TTC27: variants seen among roughly 807,000 people sequenced by gnomAD.
The protein encoded by TTC27 is tetratricopeptide repeat protein 27.
Under a neutral mutation model 115.9 loss-of-function variants are expected in TTC27, and 79 were observed. The ratio of observed to expected loss-of-function variants is 0.68; its 90% CI spans 0.57 to 0.82. The LOEUF is 0.82. Ranked by LOEUF, TTC27 falls within the 40% of genes least tolerant of loss-of-function variation. TTC27 has a pLI of 0.00. For missense variants in TTC27, 1,054 were observed against 993.1 expected, an observed-to-expected ratio of 1.06 and a Z score of -0.82; for synonymous variants, 401 against 356.0, an observed-to-expected ratio of 1.13 and a Z score of -1.42.
Position 32,640,279 on chromosome 2 carries a change from C to G in TTC27, c.406C>G (p.Leu136Val). 3 of 1,613,342 alleles carry G rather than the reference C, an allele frequency of 1.9e-6. No homozygotes were observed. Among genetic ancestry groups the G allele is most frequent in the Non-Finnish European group, 1.7e-6 (2 of 1,179,820 alleles). Reference sequence around the variant, plus strand: ...ATAATCCTTTTTTCAGGTTAAAGGACTGGATGCATTTGTTCTGAGCCTGCT... The same window carrying G: ...ATAATCCTTTTTTCAGGTTAAAGGAGTGGATGCATTTGTTCTGAGCCTGCT... Reference protein sequence around the residue: ...LFQQFSEVKGLDAFVLSLLTL... With the variant: ...LFQQFSEVKGVDAFVLSLLTL... The change falls in exon 4 of 20, where the codon CTG (leucine) becomes GTG (valine). Residue 136 changes from leucine (L) to valine (V), a missense_variant. Physicochemically the swap from Leu to Val is conservative, Grantham distance 32 (BLOSUM62 1). Coordinates refer to ENST00000317907, the MANE Select transcript of TTC27 (RefSeq NM_017735.5).
At chr2:32,775,835 T>C (rs1207080599) in intron 13 of TTC27, among the ~76,000 whole-genome samples, 1 of 152,222 alleles carries the variant, frequency 6.6e-6, no homozygotes, top group Admixed American at 6.5e-5. Context: ...TGATGAAATA[T>C]AATACACAGA....
At position 32,727,499 on chromosome 2, in the gene TTC27, T is replaced by A. The variant is rs1472750168; in HGVS notation, c.1234-6329T>A. On this transcript the variant is annotated intron_variant, in intron 10 of 19. Transcript: ENST00000317907. ...TTTAAGAAACCAGCATCTGTTGAAT[T>A]TTGGTGTAGTATCAAATAATAATAT... Among the ~76,000 whole-genome samples, 3 of 152,342 alleles carry A rather than the reference T, an allele frequency of 2.0e-5. No individual in the cohort carries two copies. The East Asian group carries it at 5.8e-4, about 29-fold the overall frequency.
Position 32,758,490 on chromosome 2 carries a change from G to T in TTC27, c.1651G>T (p.Glu551Ter). ...GTTTCAAGAGTGTGTAGAGTGCTTC[G>T]AACGCTCGGTTAAGATTAATCCCAT... ...KEFQECVECF[E>*]RSVKINPMQL... The change falls in exon 13 of 20, where the codon GAA (glutamate) becomes TAA (stop). Residue 551 changes from glutamate (E) to a stop codon, truncating the protein, a stop_gained. Transcript: ENST00000317907. LOFTEE classifies it high-confidence loss of function. The T allele has an allele frequency of 6.2e-7, 1 of 1,614,104 alleles. No individual in the cohort carries two copies. The highest frequency in any genetic ancestry group is 2.2e-5 in the East Asian group (1 of 44,866).
chr2:32,730,621 A>AGT (rs1668260471), intron 10 of TTC27, among the ~76,000 whole-genome samples: 1 of 137,832 alleles, frequency 7.3e-6, no homozygotes. Context: ...AGACTTTCTT[A>AGT]TTTTTTTTTT....
chr2:32,790,514 T>G (rs1670501183), intron 16 of TTC27, among the ~76,000 whole-genome samples: 1 of 152,240 alleles, frequency 6.6e-6, no homozygotes, highest in Non-Finnish European at 1.5e-5. Context: ...GTATACAATG[T>G]GGAATGATTA....
At chr2:32,816,059 T>C (rs1165284045) in intron 18 of TTC27, among the ~76,000 whole-genome samples, 2 of 152,152 alleles carry the variant, frequency 1.3e-5, no homozygotes, top group African/African-American at 2.4e-5. Context: ...GTCTCATGCC[T>C]GTAATTGGGA....
chr2:32,685,087 AT>A (rs1380844462), intron 9 of TTC27, among the ~76,000 whole-genome samples: 3 of 144,696 alleles, frequency 2.1e-5, no homozygotes, highest in Non-Finnish European at 3.0e-5. Context: ...GTGGAGTGCA[AT>A]GGCGCAATCT....
At position 32,813,186 on chromosome 2, in the gene TTC27, G is replaced by A. The variant is rs1671375811; in HGVS notation, c.2308+571G>A. Among the ~76,000 whole-genome samples, 3 of 151,988 alleles carry A rather than the reference G, an allele frequency of 2.0e-5. No homozygotes were observed. In the South Asian group the frequency reaches 6.2e-4, roughly 32 times the overall value. ...TTTTTAAAAATGCCAGTTAAATTTGGTAATGCATTTTTATATTTATATTTG... is the reference window on the plus strand; with the variant it reads ...TTTTTAAAAATGCCAGTTAAATTTGATAATGCATTTTTATATTTATATTTG... On this transcript the variant is annotated intron_variant, in intron 18 of 19. Coordinates refer to ENST00000317907, the MANE Select transcript of TTC27 (RefSeq NM_017735.5).
chr2:32,628,440 C>G, intron 1 of TTC27, 60 bp downstream of exon 1: 1 of 1,418,564 alleles, frequency 7.0e-7, no homozygotes, highest in Non-Finnish European at 9.4e-7. Context: ...AAAGGGATGG[C>G]AGCGACTGAT....
intron 9 of TTC27, among the ~76,000 whole-genome samples, chr2:32,680,977 G>A (rs1362334788): frequency 6.6e-6 from 1 of 151,998 alleles, no homozygotes; most frequent in Non-Finnish European, 1.5e-5. Flanking sequence ...AACTTCTGAT[G>A]GTGGGTAACT....
chr2:32,672,289 T>C lies in TTC27; in HGVS notation c.957T>C (p.Asp319=). 1 of 1,613,610 alleles carries C rather than the reference T, an allele frequency of 6.2e-7. No individual in the cohort carries two copies. The highest frequency in any genetic ancestry group is 8.5e-7 in the Non-Finnish European group (1 of 1,179,636). ...TCTACTAGAATCTTGAGCTCAATGA[T>C]GACACCATTCTGAATGACATAAAGT... is the stretch of plus-strand genomic sequence containing the variant. The part of the protein sequence containing the change: ...EHLTKNLELN[D]DTILNDIKLA... The change falls in exon 8 of 20, where the codon GAT becomes GAC. Residue 319 remains aspartate (D), a synonymous_variant. Transcript: ENST00000317907.
intron 9 of TTC27, among the ~76,000 whole-genome samples, chr2:32,686,229 A>G (rs1358093433): frequency 6.6e-6 from 1 of 152,244 alleles, no homozygotes; most frequent in African/African-American, 2.4e-5. Context: ...AAGGCTCAGT[A>G]TGTTGAATTC....
At chr2:32,817,789 C>G (rs927212342) in intron 19 of TTC27, among the ~76,000 whole-genome samples, 1 of 152,188 alleles carries the variant, frequency 6.6e-6, no homozygotes, top group Non-Finnish European at 1.5e-5. Flanking sequence ...GGTGCAGTGG[C>G]TCATGCCTGT....
chr2:32,655,089 AG>A (rs1665270262), intron 5 of TTC27, among the ~76,000 whole-genome samples: 1 of 150,708 alleles, frequency 6.6e-6, no homozygotes, highest in African/African-American at 2.4e-5. Context: ...CCTGCGTTCA[AG>A]TGATTCTCCT....
chr2:32,661,041 C>A (rs566321631), intron 5 of TTC27, among the ~76,000 whole-genome samples: 1 of 152,264 alleles, frequency 6.6e-6, no homozygotes, highest in South Asian at 2.1e-4. Context: ...TTCCCTGTTG[C>A]TTGTTTTTGT....
At chr2:32,755,042 G>T (rs1256728642) in intron 12 of TTC27, among the ~76,000 whole-genome samples, 6 of 151,692 alleles carry the variant, frequency 4.0e-5, no homozygotes, top group Non-Finnish European at 2.9e-5. Flanking sequence ...CCGGGTGGAG[G>T]GTCTCCACAC....
chr2:32,810,880 T>C, intron 16 of TTC27, 144 bp from the exon 17 acceptor site: 1 of 893,486 alleles, frequency 1.1e-6, no homozygotes, highest in Non-Finnish European at 1.7e-6. Flanking sequence ...TTTATTTTGC[T>C]TTTCAAAAGC....
chr2:32,818,681 T>A (rs1166933515), intron 19 of TTC27, among the ~76,000 whole-genome samples: 2 of 152,238 alleles, frequency 1.3e-5, no homozygotes, highest in East Asian at 1.9e-4. Flanking sequence ...ATTTAGCACT[T>A]ACTTTTCTAG....
At chr2:32,728,318 G>A (rs1056469576) in intron 10 of TTC27, among the ~76,000 whole-genome samples, 1 of 152,142 alleles carries the variant, frequency 6.6e-6, no homozygotes, top group African/African-American at 2.4e-5. Context: ...TGGGATTACA[G>A]GCGTGAACCA....
Sources: gnomAD v4.1 joint callset for allele counts (sites outside exome capture counted in the v4.1 genomes callset) on GRCh38, gnomAD v4.1.1 for gene constraint, MANE v1.5 for transcripts, NCBI Gene and HGNC (gene_info 2026-07-23, HGNC 2026-07-21) for gene names.